EXOC4: variants seen among roughly 807,000 people sequenced by gnomAD.
The protein encoded by EXOC4 is exocyst complex component 4.
EXOC4 carries 71 observed loss-of-function variants against 107.2 expected under a neutral mutation model. That is an observed-to-expected ratio of 0.66 (90% confidence interval 0.55 to 0.81). The LOEUF (loss-of-function observed/expected upper bound fraction) is 0.81. Ranked by LOEUF, EXOC4 falls within the 30% of genes least tolerant of loss-of-function variation. EXOC4 has a pLI of 0.00. For missense variants in EXOC4, 1,108 were observed against 1,189.6 expected, an observed-to-expected ratio of 0.93 and a Z score of 1.01; for synonymous variants, 456 against 441.2, an observed-to-expected ratio of 1.03 and a Z score of -0.42.
chr7:133,423,311 A>G (rs1022737366), intron 7 of EXOC4, among the ~76,000 whole-genome samples: 2 of 152,254 alleles, frequency 1.3e-5, no homozygotes, highest in Non-Finnish European at 2.9e-5. Context: ...GAATTCTTCT[A>G]GAGATTAATT....
chr7:133,639,052 T>C (rs1439119767), intron 10 of EXOC4, among the ~76,000 whole-genome samples: 1 of 152,222 alleles, frequency 6.6e-6, no homozygotes, highest in Non-Finnish European at 1.5e-5. Context: ...TGACGAAATA[T>C]GTTTATGTCC....
chr7:134,069,339 TCTCCTCCTC>T (rs1287905345), downstream of EXOC4, among the ~76,000 whole-genome samples: 3 of 131,956 alleles, frequency 2.3e-5, no homozygotes, highest in Admixed American at 2.4e-4. Flanking sequence ...TTCTCCTCCT[TCTCCTCCTC>T]CTTCTCCTTC....
At chr7:133,879,934 G>A (rs1798930281) in intron 11 of EXOC4, among the ~76,000 whole-genome samples, 1 of 152,048 alleles carries the variant, frequency 6.6e-6, no homozygotes, top group Non-Finnish European at 1.5e-5. Context: ...CCACAAGCTG[G>A]CACCCCCATC....
At chr7:133,810,351 A>G (rs1342165164) in intron 10 of EXOC4, among the ~76,000 whole-genome samples, 2 of 152,168 alleles carry the variant, frequency 1.3e-5, no homozygotes, top group African/African-American at 4.8e-5. Context: ...TAATTAGTTT[A>G]TAATTTCCCT....
intron 9 of EXOC4, among the ~76,000 whole-genome samples, chr7:133,599,201 T>C (rs939798465): frequency 6.6e-6 from 1 of 152,170 alleles, no homozygotes; most frequent in Non-Finnish European, 1.5e-5. Context: ...AAGAATTACA[T>C]ATGTGACCCA....
chr7:133,504,115 T>C (rs1187221512), intron 9 of EXOC4, among the ~76,000 whole-genome samples: 1 of 152,160 alleles, frequency 6.6e-6, no homozygotes, highest in Non-Finnish European at 1.5e-5. Flanking sequence ...GTAACAACTT[T>C]AGTAAAAGCA....
intron 5 of EXOC4, among the ~76,000 whole-genome samples, chr7:133,327,631 C>T (rs1275576514): frequency 6.6e-6 from 1 of 152,066 alleles, no homozygotes; most frequent in Non-Finnish European, 1.5e-5. Context: ...GATTTTGTTG[C>T]ATTGTGTCTT....
chr7:133,896,509 CAA>C (rs1379741113), intron 12 of EXOC4, among the ~76,000 whole-genome samples: 1 of 98,688 alleles, frequency 1.0e-5, no homozygotes, highest in Non-Finnish European at 1.9e-5. Flanking sequence ...GAACAAAAAA[CAA>C]GAAAGAGAAA....
chr7:133,800,615 C>T (rs2151194798), intron 10 of EXOC4, among the ~76,000 whole-genome samples: 1 of 152,238 alleles, frequency 6.6e-6, no homozygotes, highest in Admixed American at 6.5e-5. Flanking sequence ...ATAGGATTTT[C>T]TTTCTTTTGT....
intron 10 of EXOC4, among the ~76,000 whole-genome samples, chr7:133,679,443 TCTC>T (rs1316027004): frequency 6.6e-6 from 1 of 152,076 alleles, no homozygotes; most frequent in African/African-American, 2.4e-5. Flanking sequence ...CTCTGAGAGT[TCTC>T]CTCATGGTGG....
chr7:133,505,103 A>G (rs186069975), intron 9 of EXOC4, among the ~76,000 whole-genome samples: 27 of 152,294 alleles, frequency 1.8e-4, no homozygotes, highest in Middle Eastern at 3.4e-3. Flanking sequence ...TAGACTCTGC[A>G]TAAGGAAAAG....
At chr7:133,962,904 G>A (rs1800978956) in intron 14 of EXOC4, among the ~76,000 whole-genome samples, 1 of 152,192 alleles carries the variant, frequency 6.6e-6, no homozygotes, top group South Asian at 2.1e-4. Context: ...GATTTTAATT[G>A]CACTCAAGTT....
rs557802857 is a variant in EXOC4, at chr7:133,402,523, G to A, written c.1182+27521G>A. ...ATTCATTTATTTATTTTTTGAGACG[G>A]AGTCTTGCTCTGTTGCCCAGGCTGG... On this transcript the variant is annotated intron_variant, in intron 7 of 17. Transcript: ENST00000253861. Among the ~76,000 whole-genome samples the A allele has an allele frequency of 2.3e-4, 35 of 152,282 alleles. 1 individual carries two copies. The highest frequency in any genetic ancestry group is 1.8e-3 in the Admixed American group (27 of 15,298).
chr7:134,028,127 T>C (rs967923338), intron 17 of EXOC4, among the ~76,000 whole-genome samples: 1 of 152,228 alleles, frequency 6.6e-6, no homozygotes, highest in South Asian at 2.1e-4. Flanking sequence ...GTGTTTCTGA[T>C]ACAATCCTAA....
intron 14 of EXOC4, among the ~76,000 whole-genome samples, chr7:133,979,018 A>G (rs1374984819): frequency 6.6e-6 from 1 of 152,210 alleles, no homozygotes; most frequent in Admixed American, 6.5e-5. Context: ...AGGAAGGTGA[A>G]CGTATTTCCA....
chr7:133,316,392 T>C (rs1794991164), intron 4 of EXOC4, among the ~76,000 whole-genome samples: 1 of 152,188 alleles, frequency 6.6e-6, no homozygotes, highest in African/African-American at 2.4e-5. Flanking sequence ...GTGAGAATTA[T>C]GGCTTCCACT....
At chr7:133,408,057 T>A (rs1471294975) in intron 7 of EXOC4, among the ~76,000 whole-genome samples, 1 of 152,100 alleles carries the variant, frequency 6.6e-6, no homozygotes, top group Non-Finnish European at 1.5e-5. Flanking sequence ...GTGGTGATGT[T>A]GGAGGTGTTG....
intron 9 of EXOC4, among the ~76,000 whole-genome samples, chr7:133,563,009 C>T (rs137908043): frequency 1.3e-5 from 2 of 152,222 alleles, no homozygotes; most frequent in African/African-American, 4.8e-5. Context: ...TCATTTTGGG[C>T]ATTTCAGTGA....
At chr7:133,584,495 G>A (rs1283517158) in intron 9 of EXOC4, among the ~76,000 whole-genome samples, 1 of 150,466 alleles carries the variant, frequency 6.6e-6, no homozygotes, top group Non-Finnish European at 1.5e-5. Context: ...TTCCTGTGCA[G>A]TACCTTTTAG....
Sources: allele counts gnomAD v4.1 joint callset (sites outside exome capture counted in the v4.1 genomes callset), GRCh38; gene constraint gnomAD v4.1.1; transcripts MANE v1.5; gene names NCBI Gene and HGNC (gene_info 2026-07-23, HGNC 2026-07-21).